FBXL17: variants seen among roughly 807,000 people sequenced by gnomAD.
FBXL17 encodes F-box/LRR-repeat protein 17.
Under a neutral mutation model 66.2 loss-of-function variants are expected in FBXL17, and 22 were observed. The ratio of observed to expected loss-of-function variants is 0.33; its 90% CI spans 0.24 to 0.47. FBXL17 has a LOEUF of 0.47. Among genes scored for constraint, FBXL17 ranks in the 20% least tolerant of loss-of-function variants. FBXL17 has a pLI of 1.00. For synonymous variants in FBXL17, 474 were observed against 400.5 expected (o/e 1.18, Z -2.19); for missense variants, 878 against 948.2 (o/e 0.93, Z 0.97).
chr5:108,086,380 A>G (rs1457618251), intron 6 of FBXL17, among the ~76,000 whole-genome samples: 4 of 152,190 alleles, frequency 2.6e-5, no homozygotes, highest in Non-Finnish European at 5.9e-5. Context: ...CTTTTGTCCA[A>G]TCACATTTCT....
At chr5:107,981,856 C>G (rs935474564) in intron 7 of FBXL17, among the ~76,000 whole-genome samples, 4 of 152,146 alleles carry the variant, frequency 2.6e-5, no homozygotes, top group African/African-American at 9.7e-5. Context: ...GCTGATTTAC[C>G]TTTTCTACCA....
At chr5:107,994,794 C>T (rs34288950) in intron 7 of FBXL17, among the ~76,000 whole-genome samples, 16,866 of 152,052 alleles carry the variant, frequency 0.11, 1,036 homozygotes, top group East Asian at 0.15. Context: ...GCCGAGATTG[C>T]GCCACTGCAC....
At chr5:108,120,341 T>C (rs1378904677) in intron 6 of FBXL17, among the ~76,000 whole-genome samples, 3 of 152,206 alleles carry the variant, frequency 2.0e-5, no homozygotes, top group South Asian at 4.1e-4. Context: ...AGAGATGATG[T>C]TTCAGTTTGA....
intron 6 of FBXL17, among the ~76,000 whole-genome samples, chr5:108,182,244 T>C (rs940025633): frequency 3.9e-5 from 6 of 152,160 alleles, no homozygotes; most frequent in African/African-American, 1.2e-4. Context: ...TGAACGAATG[T>C]AAAACAGAAT....
intron 4 of FBXL17, among the ~76,000 whole-genome samples, chr5:108,347,988 G>C (rs73781332): frequency 0.068 from 10,364 of 151,948 alleles, 1,202 homozygotes; most frequent in African/African-American, 0.24. Flanking sequence ...CTAAGTAAAA[G>C]ACTCTATTTT....
intron 7 of FBXL17, among the ~76,000 whole-genome samples, chr5:107,994,101 T>C (rs892966362): frequency 1.2e-4 from 18 of 152,274 alleles, no homozygotes; most frequent in African/African-American, 4.1e-4. Flanking sequence ...GTTTCATTAA[T>C]TAAGAAGGCT....
chr5:108,158,548 C>T (rs575121034), intron 6 of FBXL17, among the ~76,000 whole-genome samples: 2 of 150,898 alleles, frequency 1.3e-5, no homozygotes, highest in Non-Finnish European at 2.9e-5. Context: ...CACATTTGCA[C>T]ATGTGCATCC....
At chr5:107,990,631 A>T (rs1167935474) in intron 7 of FBXL17, among the ~76,000 whole-genome samples, 1 of 152,198 alleles carries the variant, frequency 6.6e-6, no homozygotes, top group Non-Finnish European at 1.5e-5. Flanking sequence ...AAGTTGATAA[A>T]TGTGAAATCC....
At chr5:108,124,068 T>A (rs1750603813) in intron 6 of FBXL17, among the ~76,000 whole-genome samples, 1 of 152,136 alleles carries the variant, frequency 6.6e-6, no homozygotes, top group Non-Finnish European at 1.5e-5. Flanking sequence ...ATTAGTAAAC[T>A]GTCTTAACAA....
At chr5:107,990,933 T>C (rs1422880734) in intron 7 of FBXL17, among the ~76,000 whole-genome samples, 1 of 152,140 alleles carries the variant, frequency 6.6e-6, no homozygotes, top group East Asian at 1.9e-4. Flanking sequence ...TTTATCCTTA[T>C]AACAAACATC....
At chr5:108,008,679 A>T (rs1754028958) in intron 7 of FBXL17, among the ~76,000 whole-genome samples, 1 of 152,210 alleles carries the variant, frequency 6.6e-6, no homozygotes, top group Non-Finnish European at 1.5e-5. Context: ...CTTCTAGCAT[A>T]TTCAGAAAAT....
At chr5:108,258,465 T>TA (rs1756670774) in intron 4 of FBXL17, among the ~76,000 whole-genome samples, 1 of 152,016 alleles carries the variant, frequency 6.6e-6, no homozygotes, top group Non-Finnish European at 1.5e-5. Context: ...TATGTTGGGG[T>TA]AAAAAAACAG....
At chr5:107,989,379 T>A (rs1288835671) in intron 7 of FBXL17, among the ~76,000 whole-genome samples, 1 of 152,112 alleles carries the variant, frequency 6.6e-6, no homozygotes, top group Non-Finnish European at 1.5e-5. Context: ...AGTAAGATCA[T>A]GTGATATTTG....
chr5:108,229,880 A>G (rs892764199), intron 4 of FBXL17, among the ~76,000 whole-genome samples: 1 of 152,184 alleles, frequency 6.6e-6, no homozygotes, highest in African/African-American at 2.4e-5. Flanking sequence ...AGAATAAAAC[A>G]AACAATCCCA....
At chr5:108,301,578 G>C (rs1242907688) in intron 4 of FBXL17, among the ~76,000 whole-genome samples, 1 of 151,718 alleles carries the variant, frequency 6.6e-6, no homozygotes, top group East Asian at 1.9e-4. Flanking sequence ...TAGGGCAGTT[G>C]TTTGTTTTAA....
chr5:108,192,047 T>C (rs1385807878), intron 5 of FBXL17, among the ~76,000 whole-genome samples: 2 of 152,156 alleles, frequency 1.3e-5, no homozygotes, highest in East Asian at 1.9e-4. Flanking sequence ...GACACAAAAC[T>C]AGCACTTCTA....
intron 7 of FBXL17, among the ~76,000 whole-genome samples, chr5:107,959,144 T>A (rs1261295171): frequency 6.6e-6 from 1 of 152,042 alleles, no homozygotes; most frequent in African/African-American, 2.4e-5. Flanking sequence ...GTTCTCCTCA[T>A]AGGTGGGGGC....
Position 108,083,998 on chromosome 5 carries a change from T to C in FBXL17, c.1746-62997A>G, listed in dbSNP as rs553955933. 2.4e-4 allele frequency among the ~76,000 whole-genome samples: 36 copies of C among 152,330 alleles called. No homozygotes were observed. The South Asian group carries it at 7.3e-3, about 31-fold the overall frequency. ...TAAAATAGTTTCCGACTGATTTTCA[T>C]AAGAAAGCTGGAAAGCTCAGTGTGT... is the stretch of plus-strand genomic sequence containing the variant. On this transcript the variant is annotated intron_variant, in intron 6 of 8. Coordinates refer to ENST00000542267, the MANE Select transcript of FBXL17 (RefSeq NM_001163315.3).
intron 4 of FBXL17, among the ~76,000 whole-genome samples, chr5:108,277,291 A>C (rs1420028014): frequency 6.6e-6 from 1 of 152,184 alleles, no homozygotes; most frequent in East Asian, 1.9e-4. Flanking sequence ...ACCAAGAGAA[A>C]ATAATCTGAT....
Sources: gnomAD v4.1 joint callset for allele counts (sites outside exome capture counted in the v4.1 genomes callset) on GRCh38, gnomAD v4.1.1 for gene constraint, MANE v1.5 for transcripts, NCBI Gene and HGNC (gene_info 2026-07-23, HGNC 2026-07-21) for gene names.